Variants in CEP135 observed in about 807,000 individuals in gnomAD.
CEP135 encodes the protein centrosomal protein 135.
A neutral mutation model predicts 157.3 loss-of-function variants in CEP135; 142 were observed. That is an observed-to-expected ratio of 0.90 (90% confidence interval 0.79 to 1.04). The LOEUF is 1.04. Ranked by LOEUF, CEP135 falls within the 50% of genes least tolerant of loss-of-function variation. The pLI, the probability that CEP135 is intolerant of heterozygous loss-of-function variation, is 0.00. For missense variants in CEP135, 1,317 were observed against 1,309.2 expected, an observed-to-expected ratio of 1.01 and a Z score of -0.09; for synonymous variants, 396 against 439.8, an observed-to-expected ratio of 0.90 and a Z score of 1.25.
intron 19 of CEP135, among the ~76,000 whole-genome samples, chr4:56,011,184 G>C (rs1042026627): frequency 6.6e-6 from 1 of 152,168 alleles, no homozygotes; most frequent in African/African-American, 2.4e-5. Context: ...GCAGTGAGCT[G>C]TGATCACGCC....
chr4:55,975,058 T>C, intron 11 of CEP135, 89 bp downstream of exon 11: 1 of 960,156 alleles, frequency 1.0e-6, no homozygotes, highest in Non-Finnish European at 1.5e-6. Context: ...ACTTTATTCG[T>C]ACTTGCTTTG....
At chr4:55,979,669 A>G (rs1215837109) in intron 11 of CEP135, among the ~76,000 whole-genome samples, 2 of 152,176 alleles carry the variant, frequency 1.3e-5, no homozygotes, top group Non-Finnish European at 2.9e-5. Flanking sequence ...TAGTGGCTCT[A>G]AAAAATTACC....
chr4:56,005,058 T>G (rs1302562293), intron 17 of CEP135, among the ~76,000 whole-genome samples: 1 of 152,142 alleles, frequency 6.6e-6, no homozygotes, highest in African/African-American at 2.4e-5. Context: ...TTTTATAGCT[T>G]TTTACACTGT....
chr4:55,959,316 T>C (rs1728605448), intron 5 of CEP135, among the ~76,000 whole-genome samples: 1 of 152,176 alleles, frequency 6.6e-6, no homozygotes, highest in Non-Finnish European at 1.5e-5. Flanking sequence ...GAAAACACAT[T>C]TTAGTTTCTT....
chr4:56,019,723 C>A (rs559409882), intron 23 of CEP135, among the ~76,000 whole-genome samples, 168 bp downstream of exon 23: 1 of 151,834 alleles, frequency 6.6e-6, no homozygotes, highest in Non-Finnish European at 1.5e-5. Context: ...ATTGCCTGAG[C>A]TCAGGAGTTT....
chr4:56,001,961 A>G (rs1460003175), intron 17 of CEP135, among the ~76,000 whole-genome samples: 2 of 151,754 alleles, frequency 1.3e-5, no homozygotes, highest in Admixed American at 6.6e-5. Flanking sequence ...TAGATCTTGC[A>G]TATATTTGGT....
intron 17 of CEP135, among the ~76,000 whole-genome samples, chr4:56,005,457 C>CT (rs1358507411): frequency 6.6e-6 from 1 of 152,016 alleles, no homozygotes; most frequent in African/African-American, 2.4e-5. Flanking sequence ...AAAAAACCCA[C>CT]AAAGACATAA....
Position 56,002,911 on chromosome 4 carries a change from T to G in CEP135, c.2280+3266T>G, listed in dbSNP as rs542479747. 2.6e-5 allele frequency among the ~76,000 whole-genome samples: 4 copies of G among 152,294 alleles called. 1 individual carries two copies. The highest frequency in any genetic ancestry group is 9.6e-5 in the African/African-American group (4 of 41,590). ...CAGCTTCTATCTTATTACATGCTAT[T>G]GGTTTGTTGAAGTTTTCTATTTCTT... On this transcript the variant is annotated intron_variant, in intron 17 of 25. Transcript: ENST00000257287.
chr4:56,003,495 A>G (rs1360809669), intron 17 of CEP135, among the ~76,000 whole-genome samples: 3 of 152,182 alleles, frequency 2.0e-5, no homozygotes, highest in Non-Finnish European at 4.4e-5. Context: ...GGTGTGAGCC[A>G]CTGTGCCTGG....
At chr4:55,952,717 G>A (rs1455528576) in intron 2 of CEP135, among the ~76,000 whole-genome samples, 7 of 152,102 alleles carry the variant, frequency 4.6e-5, no homozygotes, top group Admixed American at 4.6e-4. Flanking sequence ...CACAAACCTA[G>A]GCTATATGGT....
intron 21 of CEP135, among the ~76,000 whole-genome samples, chr4:56,014,102 C>A (rs1458182167): frequency 6.6e-6 from 1 of 152,172 alleles, no homozygotes; most frequent in African/African-American, 2.4e-5. Context: ...ACCAAACCTG[C>A]CAACACCTGA....
chr4:55,963,015 G>T (rs1449926848), intron 6 of CEP135, among the ~76,000 whole-genome samples: 1 of 151,564 alleles, frequency 6.6e-6, no homozygotes, highest in Non-Finnish European at 1.5e-5. Flanking sequence ...TTCTCTTCTG[G>T]TTTCGACTCC....
intron 13 of CEP135, among the ~76,000 whole-genome samples, chr4:55,982,078 A>G (rs1447823708): frequency 6.6e-6 from 1 of 152,070 alleles, no homozygotes; most frequent in African/African-American, 2.4e-5. Context: ...CATCACCACA[A>G]AAAGAAACTC....
At chr4:55,990,883 A>G (rs1729766182) in intron 14 of CEP135, among the ~76,000 whole-genome samples, 1 of 152,188 alleles carries the variant, frequency 6.6e-6, no homozygotes, top group Admixed American at 6.5e-5. Flanking sequence ...TATCTTTTCT[A>G]AATTTACATC....
At chr4:56,015,662 C>G (rs1429146963) in intron 21 of CEP135, among the ~76,000 whole-genome samples, 1 of 152,190 alleles carries the variant, frequency 6.6e-6, no homozygotes, top group East Asian at 1.9e-4. Flanking sequence ...TACAGTGGGA[C>G]TTCTATGGTA....
At chr4:56,021,770 A>G (rs577647534) in intron 24 of CEP135, among the ~76,000 whole-genome samples, 1 of 152,218 alleles carries the variant, frequency 6.6e-6, no homozygotes, top group Non-Finnish European at 1.5e-5. Context: ...CATGCCTGCA[A>G]TCCCAGCACT....
chr4:56,008,653 G>C (rs1052508937), intron 18 of CEP135, among the ~76,000 whole-genome samples: 1 of 151,976 alleles, frequency 6.6e-6, no homozygotes, highest in African/African-American at 2.4e-5. Flanking sequence ...TATGCCACTT[G>C]GAGCCTAATC....
At chr4:55,998,034 G>C (rs1730035940) in intron 15 of CEP135, among the ~76,000 whole-genome samples, 2 of 152,086 alleles carry the variant, frequency 1.3e-5, no homozygotes, top group South Asian at 2.1e-4. Flanking sequence ...GAACAGTCAG[G>C]GTCATGTGTT....
rs866476392 is a variant in CEP135, at chr4:56,003,956, A to T, written c.2280+4311A>T. 5.3e-5 allele frequency among the ~76,000 whole-genome samples: 8 copies of T among 152,024 alleles called. 1 individual carries two copies. The highest frequency in any genetic ancestry group is 7.2e-5 in the African/African-American group (3 of 41,412). On this transcript the variant is annotated intron_variant, in intron 17 of 25. Transcript: ENST00000257287. Reference sequence around the variant, plus strand: ...GGCTGGTCTCCAACTCCTAGTCTCAAGCAGTCCTCTGGCTCAGCCTCCCCA... The same window carrying T: ...GGCTGGTCTCCAACTCCTAGTCTCATGCAGTCCTCTGGCTCAGCCTCCCCA...
Sources: allele counts gnomAD v4.1 joint callset (sites outside exome capture counted in the v4.1 genomes callset), GRCh38; gene constraint gnomAD v4.1.1; transcripts MANE v1.5; gene names NCBI Gene and HGNC (gene_info 2026-07-23, HGNC 2026-07-21).